Variants in TAP2 observed in about 807,000 individuals in gnomAD.
TAP2 encodes the protein antigen peptide transporter 2.
TAP2 carries 49 observed loss-of-function variants against 74.7 expected under a neutral mutation model. The observed-to-expected ratio is 0.66, with a 90% confidence interval of 0.52 to 0.83. The LOEUF (loss-of-function observed/expected upper bound fraction) is 0.83. Among genes scored for constraint, TAP2 ranks in the 40% least tolerant of loss-of-function variants. TAP2 has a pLI of 0.00. For synonymous variants in TAP2, 306 were observed against 368.4 expected (o/e 0.83, Z 1.94); for missense variants, 739 against 859.0 (o/e 0.86, Z 1.75).
At chr6:32,831,090 T>C (rs1203755722) in intron 7 of TAP2, among the ~76,000 whole-genome samples, 1 of 152,218 alleles carries the variant, frequency 6.6e-6, no homozygotes, top group Non-Finnish European at 1.5e-5. Context: ...TTGTGCCCAG[T>C]TCTGTCTTGC....
chr6:32,828,042 T>G lies in TAP2; in HGVS notation c.*864A>C, dbSNP rs1410278383. Reference sequence around the variant, plus strand: ...GGACCCAAGATGCAATATAATTGATTGGGTCAGGGTGTGGACTCTAGGGTC... The same window carrying G: ...GGACCCAAGATGCAATATAATTGATGGGGTCAGGGTGTGGACTCTAGGGTC... On this transcript the variant is annotated 3_prime_UTR_variant, in exon 12 of 12. Coordinates refer to ENST00000374897, the MANE Select transcript of TAP2 (RefSeq NM_001290043.2). The G allele has an allele frequency of 1.0e-6, 1 of 977,096 alleles. No individual in the cohort carries two copies. Among genetic ancestry groups the G allele is most frequent in the East Asian group, 1.1e-4 (1 of 8,774 alleles). 60.5% of individuals were successfully genotyped at this position (977,096 alleles called of 1,614,324 possible).
downstream of TAP2, among the ~76,000 whole-genome samples, chr6:32,823,446 T>C (rs1394031443): frequency 6.8e-6 from 1 of 146,410 alleles, no homozygotes; most frequent in African/African-American, 2.5e-5. Flanking sequence ...TTTTTTTTTT[T>C]TTTTTTTGGT....
At position 32,828,675 on chromosome 6, in the gene TAP2, G is replaced by GCCTCCACCCCCCCCCCCC; in HGVS notation, c.*230_*231insGGGGGGGGGGGGTGGAGG. ...GAATTAAGTTTCCTGGACACAGACA[G>GCCTCCACCCCCCCCCCCC]CCCCCACCCCACCCCACCCCACCTC... is the stretch of plus-strand genomic sequence containing the variant. On this transcript the variant is annotated 3_prime_UTR_variant, in exon 12 of 12. Transcript: ENST00000374897. The GCCTCCACCCCCCCCCCCC allele has an allele frequency of 2.3e-6, 2 of 884,282 alleles. No homozygotes were observed. Among genetic ancestry groups the GCCTCCACCCCCCCCCCCC allele is most frequent in the Non-Finnish European group, 2.7e-6 (2 of 735,242 alleles). The allele number at this position is 884,282 out of a possible 1,614,324, so 54.8% of individuals were successfully genotyped here.
chr6:32,838,533 C>A, intron 1 of TAP2, 120 bp downstream of exon 1: 1 of 364,962 alleles, frequency 2.7e-6, no homozygotes. Flanking sequence ...GCTAAGTGGT[C>A]CGGGCTCCGC....
At chr6:32,822,549 T>C (rs951194747), downstream of TAP2, among the ~76,000 whole-genome samples, 2 of 150,788 alleles carry the variant, frequency 1.3e-5, no homozygotes, top group Non-Finnish European at 2.9e-5. Flanking sequence ...TGTTTGTTTG[T>C]TTGTTTTAGA....
rs73738932 is a variant in TAP2 at position 32,827,641 on chromosome 6, C to A, written c.*1265G>T. The A allele has an allele frequency of 2.6e-6, 2 of 756,000 alleles. No individual in the cohort carries two copies. Among genetic ancestry groups the A allele is most frequent in the South Asian group, 6.7e-5 (1 of 14,930 alleles). 46.8% of individuals were successfully genotyped at this position (756,000 alleles called of 1,614,324 possible). Reference sequence around the variant, plus strand: ...CGAGCAGAAAATGGGCAAGAAAACACCATATGCAAAGGCACAAAGGTGTTG... The same window carrying A: ...CGAGCAGAAAATGGGCAAGAAAACAACATATGCAAAGGCACAAAGGTGTTG... On this transcript the variant is annotated 3_prime_UTR_variant, in exon 12 of 12. Transcript: ENST00000374897.
At position 32,832,397 on chromosome 6, in the gene TAP2, T is replaced by G; in HGVS notation, c.1208A>C (p.Glu403Ala). Residue 403 changes from glutamate (E) to alanine (A), a missense_variant, in exon 7 of 12, where the codon GAG becomes GCG. By Grantham distance (107) the Glu-to-Ala change is moderately radical. Transcript: ENST00000374897. This position sits in a 1 kb window ranked among gnomAD's most constrained non-coding sequence, Gnocchi z 5.9. Reference sequence around the variant, plus strand: ...GGAAAGCAGGCTGCCCTGGGTGAGCTCCCCATCCTGCATCTGCTGCAGCCC... The same window carrying G: ...GGAAAGCAGGCTGCCCTGGGTGAGCGCCCCATCCTGCATCTGCTGCAGCCC... ...SCGLQQMQDG[E>A]LTQGSLLSFM... The G allele has an allele frequency of 6.2e-7, 1 of 1,612,848 alleles. No homozygotes were observed. Among genetic ancestry groups the G allele is most frequent in the Non-Finnish European group, 8.5e-7 (1 of 1,179,970 alleles).
Position 32,830,197 on chromosome 6 carries a change from C to T in TAP2, c.1635+70G>A, listed in dbSNP as rs56173814. ...AGAATGAACACCTGGTGCGCCTTCC[C>T]GTGGATCTCCCATCCTCTCTCTGTA... On this transcript the variant is annotated intron_variant, in intron 9 of 11. Coordinates refer to ENST00000374897, the MANE Select transcript of TAP2 (RefSeq NM_001290043.2). The T allele has an allele frequency of 8.7e-3, 14,044 of 1,612,580 alleles. 258 individuals carry two copies. Among genetic ancestry groups the T allele is most frequent in the African/African-American group, 0.05 (3,755 of 75,006 alleles).
downstream of TAP2, among the ~76,000 whole-genome samples, chr6:32,824,597 C>T (rs777809870): frequency 1.3e-4 from 20 of 152,176 alleles, no homozygotes; most frequent in Admixed American, 6.5e-4. Flanking sequence ...TACTTTGCTT[C>T]TTTTGTTTTC....
chr6:32,828,679 C>CACCCCACA lies in TAP2; in HGVS notation c.*226_*227insTGTGGGGT. On this transcript the variant is annotated 3_prime_UTR_variant, in exon 12 of 12. Coordinates refer to ENST00000374897, the MANE Select transcript of TAP2 (RefSeq NM_001290043.2). Reference sequence around the variant, plus strand: ...TAAGTTTCCTGGACACAGACAGCCCCCACCCCACCCCACCCCACCTCTCTA... The same window carrying CACCCCACA: ...TAAGTTTCCTGGACACAGACAGCCCCACCCCACACACCCCACCCCACCCCACCTCTCTA... The CACCCCACA allele has an allele frequency of 1.1e-6, 1 of 948,140 alleles. No individual in the cohort carries two copies. The highest frequency in any genetic ancestry group is 1.3e-6 in the Non-Finnish European group (1 of 788,692). 58.7% of individuals were successfully genotyped at this position (948,140 alleles called of 1,614,324 possible).
chr6:32,829,128 G>A (rs1006584013), intron 11 of TAP2, 94 bp from the exon 12 acceptor site: 1 of 1,510,878 alleles, frequency 6.6e-7, no homozygotes. Flanking sequence ...GGTAAAGAAG[G>A]TGTGAAATAA....
chr6:32,830,539 A>G, intron 8 of TAP2, 79 bp downstream of exon 8: 1 of 1,602,562 alleles, frequency 6.2e-7, no homozygotes, highest in Non-Finnish European at 8.5e-7. Context: ...TCAGAGGCAA[A>G]TGAACTATAG....
chr6:32,822,983 G>A (rs376009312), downstream of TAP2, among the ~76,000 whole-genome samples: 125 of 143,582 alleles, frequency 8.7e-4, 2 homozygotes, highest in South Asian at 0.015. Context: ...GCAGTGGTGC[G>A]ATCTTGGCTC....
In TAP2 at chr6:32,828,436, A is replaced by G. The variant is rs1682220661; in HGVS notation, c.*470T>C. The G allele has an allele frequency of 1.0e-6, 1 of 985,978 alleles. No homozygotes were observed. Among genetic ancestry groups the G allele is most frequent in the African/African-American group, 1.7e-5 (1 of 57,240 alleles). 61.1% of individuals were successfully genotyped at this position (985,978 alleles called of 1,614,324 possible). On this transcript the variant is annotated 3_prime_UTR_variant, in exon 12 of 12. Coordinates refer to ENST00000374897, the MANE Select transcript of TAP2 (RefSeq NM_001290043.2). ...TTAATTTCTATCTCAAACAACAGATAAACGACTGATGGGACAGGCAGCAAA... is the reference window on the plus strand; with the variant it reads ...TTAATTTCTATCTCAAACAACAGATGAACGACTGATGGGACAGGCAGCAAA...
At position 32,835,464 on chromosome 6, in the gene TAP2, C is replaced by T. The variant is rs968172689; in HGVS notation, c.740-105G>A. ...CTCTGACACAGCCCCCTCCTCTGAA[C>T]ATCCTCCTTCACTTGCAGAGGGACA... is the stretch of plus-strand genomic sequence containing the variant. On this transcript the variant is annotated intron_variant, in intron 4 of 11. Coordinates refer to ENST00000374897, the MANE Select transcript of TAP2 (RefSeq NM_001290043.2). The surrounding 1 kb of genome is among the most constrained non-coding windows in gnomAD (Gnocchi z 4.0). 46 of 1,445,564 alleles carry T rather than the reference C, an allele frequency of 3.2e-5. No homozygotes were observed. The African/African-American group carries it at 5.2e-4, about 16-fold the overall frequency. The allele number at this position is 1,445,564 out of a possible 1,614,324, so 89.5% of individuals were successfully genotyped here.
At position 32,838,651 on chromosome 6, in the gene TAP2, A is replaced by C; in HGVS notation, c.-5+2T>G. ...TCCAGGTTCCCCTCCGCACCAACTC[A>C]CCAGCCGCGGCGGGGAGACCGCAGC... On this transcript the variant is annotated splice_donor_variant, in intron 1 of 11. Coordinates refer to ENST00000374897, the MANE Select transcript of TAP2 (RefSeq NM_001290043.2). LOFTEE classifies it low-confidence loss of function (5UTR_SPLICE). 1 of 177,752 alleles carries C rather than the reference A, an allele frequency of 5.6e-6. No individual in the cohort carries two copies. Among genetic ancestry groups the C allele is most frequent in the Non-Finnish European group, 1.2e-5 (1 of 85,320 alleles). The allele number at this position is 177,752 out of a possible 1,614,324, so 11.0% of individuals were successfully genotyped here.
chr6:32,835,411 C>G lies in TAP2; in HGVS notation c.740-52G>C. ...AAAGGAAACCATGTGTACTGCAGGG[C>G]CCCCAGAAACTCCCTCCTGACCGTT... On this transcript the variant is annotated intron_variant, in intron 4 of 11. Transcript: ENST00000374897. This position sits in a 1 kb window ranked among gnomAD's most constrained non-coding sequence, Gnocchi z 4.0. 1 of 1,586,778 alleles carries G rather than the reference C, an allele frequency of 6.3e-7. No individual in the cohort carries two copies.
rs773325619 is a variant in TAP2 at position 32,832,709 on chromosome 6, C to T, written c.1061G>A (p.Arg354His). The stretch of plus-strand genomic sequence containing the variant: ...ACATTGTTCAAGGGCCTCTTTATAG[C>T]GACAGACTTCATGCTCCTCGGCCCC... Reference protein sequence around the residue: ...SFGAEEHEVCRYKEALEQCRQ... With the variant: ...SFGAEEHEVCHYKEALEQCRQ... Residue 354 changes from arginine to histidine, a missense_variant, in exon 6 of 12, where the codon CGC becomes CAC. Transcript: ENST00000374897. This position sits in a 1 kb window ranked among gnomAD's most constrained non-coding sequence, Gnocchi z 5.9. 15 of 1,612,950 alleles carry T rather than the reference C, an allele frequency of 9.3e-6. No homozygotes were observed. Among genetic ancestry groups the T allele is most frequent in the Middle Eastern group, 1.6e-4 (1 of 6,084 alleles).
chr6:32,827,221 T>G lies in TAP2; in HGVS notation c.*1685A>C. The stretch of plus-strand genomic sequence containing the variant: ...GGTTTCTCTTTCCTAGAATAGCAAC[T>G]TTCCAAGGTAAGTCCCTCCCAACAA... On this transcript the variant is annotated 3_prime_UTR_variant, in exon 12 of 12. Transcript: ENST00000374897. 1 of 985,468 alleles carries G rather than the reference T, an allele frequency of 1.0e-6. No individual in the cohort carries two copies. Among genetic ancestry groups the G allele is most frequent in the South Asian group, 4.7e-5 (1 of 21,292 alleles). 61.0% of individuals were successfully genotyped at this position (985,468 alleles called of 1,614,324 possible). A position where few individuals can be genotyped will look rare whatever the true frequency, so the allele number is the denominator to read the frequency against.
Sources: gnomAD v4.1 joint callset for allele counts (sites outside exome capture counted in the v4.1 genomes callset) on GRCh38, gnomAD v4.1.1 for gene constraint, Gnocchi (gnomAD v3.1) non-coding constraint, MANE v1.5 for transcripts, NCBI Gene and HGNC (gene_info 2026-07-23, HGNC 2026-07-21) for gene names.